Variants in NOL4 observed in about 807,000 individuals in gnomAD.
NOL4 encodes the protein nucleolar protein 4, also known as cancer/testis antigen 125.
A neutral mutation model predicts 75.9 loss-of-function variants in NOL4; 17 were observed. The ratio of observed to expected loss-of-function variants is 0.22; its 90% CI spans 0.15 to 0.34. NOL4 has a LOEUF of 0.34. Ranked by LOEUF, NOL4 falls within the 10% of genes least tolerant of loss-of-function variation. The pLI is 1.00. For missense variants in NOL4, 614 were observed against 793.5 expected (o/e 0.77, Z 2.72); for synonymous variants, 292 against 289.9 (o/e 1.01, Z -0.07).
chr18:34,134,446 TGACA>T (rs1303474581), intron 1 of NOL4, among the ~76,000 whole-genome samples: 4 of 98,812 alleles, frequency 4.0e-5, no homozygotes, highest in Non-Finnish European at 8.0e-5. Flanking sequence ...AGACTCCAAG[TGACA>T]CACACACACA....
intron 9 of NOL4, among the ~76,000 whole-genome samples, chr18:33,907,366 A>G (rs1246901176): frequency 1.3e-5 from 2 of 151,806 alleles, no homozygotes; most frequent in Admixed American, 1.3e-4. Context: ...AATAATAATA[A>G]ACATTAAAGA....
chr18:34,199,519 C>T (rs928108807), intron 1 of NOL4, among the ~76,000 whole-genome samples: 2 of 151,906 alleles, frequency 1.3e-5, no homozygotes, highest in African/African-American at 2.4e-5. Flanking sequence ...CCCAACTTAA[C>T]TCTGAATCCA....
chr18:34,184,570 G>A (rs945553032), intron 1 of NOL4, among the ~76,000 whole-genome samples: 1 of 152,034 alleles, frequency 6.6e-6, no homozygotes, highest in African/African-American at 2.4e-5. Flanking sequence ...TGAGTTCTGT[G>A]TTGATACTAG....
chr18:33,877,765 T>C (rs1011597713), intron 10 of NOL4, among the ~76,000 whole-genome samples: 3 of 152,020 alleles, frequency 2.0e-5, no homozygotes, highest in African/African-American at 7.2e-5. Flanking sequence ...CCAAATTTCC[T>C]ATGTGGCTTT....
At chr18:33,930,878 A>C (rs2067646096) in intron 9 of NOL4, among the ~76,000 whole-genome samples, 1 of 152,200 alleles carries the variant, frequency 6.6e-6, no homozygotes, top group Non-Finnish European at 1.5e-5. Context: ...TCCTTCAAGA[A>C]TAAAACTGGA....
chr18:34,081,802 A>C (rs1432928518), intron 5 of NOL4, among the ~76,000 whole-genome samples: 2 of 152,208 alleles, frequency 1.3e-5, no homozygotes, highest in African/African-American at 4.8e-5. Context: ...GAATGAAAGA[A>C]ACTGTCAAAA....
chr18:33,870,219 A>T (rs1468646281), intron 10 of NOL4, among the ~76,000 whole-genome samples: 1 of 152,046 alleles, frequency 6.6e-6, no homozygotes, highest in African/African-American at 2.4e-5. Flanking sequence ...GAAGGGCATT[A>T]TATGAAGTGA....
intron 1 of NOL4, among the ~76,000 whole-genome samples, chr18:34,175,137 C>T (rs532143435): frequency 6.6e-6 from 1 of 152,260 alleles, no homozygotes; most frequent in Admixed American, 6.5e-5. Context: ...CAATGGCCCA[C>T]ATTCCTATAC....
chr18:33,946,534 C>T (rs879425298), intron 8 of NOL4, among the ~76,000 whole-genome samples: 1 of 151,626 alleles, frequency 6.6e-6, no homozygotes, highest in Non-Finnish European at 1.5e-5. Context: ...GAGTTATAAT[C>T]CCTAGTGAAC....
At chr18:33,883,515 A>T in intron 9 of NOL4, 91 bp from the exon 10 acceptor site, 1 of 909,078 alleles carries the variant, frequency 1.1e-6, no homozygotes, top group South Asian at 2.8e-5. Flanking sequence ...AAATACCTGC[A>T]TTGAATAAGA....
intron 6 of NOL4, among the ~76,000 whole-genome samples, chr18:33,990,626 C>T (rs920233222): frequency 3.3e-5 from 5 of 152,022 alleles, no homozygotes; most frequent in Non-Finnish European, 5.9e-5. Context: ...TCTACAGTTA[C>T]GTGAAAATAA....
chr18:33,896,457 A>G (rs556207434), intron 9 of NOL4, among the ~76,000 whole-genome samples: 1 of 152,276 alleles, frequency 6.6e-6, no homozygotes, highest in East Asian at 1.9e-4. Context: ...AGCAAAATAG[A>G]GGGCCCCAAA....
At chr18:34,036,636 G>A (rs569094782) in intron 5 of NOL4, among the ~76,000 whole-genome samples, 21 of 152,196 alleles carry the variant, frequency 1.4e-4, no homozygotes, top group African/African-American at 4.8e-4. Flanking sequence ...ATAAATAAAT[G>A]GCATCAGCCC....
chr18:33,914,240 C>T (rs1036161665), intron 9 of NOL4, among the ~76,000 whole-genome samples: 30 of 151,948 alleles, frequency 2.0e-4, no homozygotes, highest in African/African-American at 5.6e-4. Flanking sequence ...GAGCAAGCCA[C>T]GTGAATGCTG....
intron 5 of NOL4, among the ~76,000 whole-genome samples, chr18:34,090,889 A>C (rs1301735663): frequency 1.3e-5 from 2 of 152,046 alleles, no homozygotes; most frequent in East Asian, 3.9e-4. Context: ...TGGTGCAGAG[A>C]AATAGGGTGA....
intron 9 of NOL4, among the ~76,000 whole-genome samples, chr18:33,906,753 A>G (rs749500317): frequency 6.6e-6 from 1 of 152,180 alleles, no homozygotes; most frequent in Non-Finnish European, 1.5e-5. Flanking sequence ...TAGATAAAGC[A>G]GGCTTAGATA....
At chr18:34,205,016 T>C (rs1422734611) in intron 1 of NOL4, among the ~76,000 whole-genome samples, 12 of 152,258 alleles carry the variant, frequency 7.9e-5, no homozygotes, top group Non-Finnish European at 1.5e-5. Flanking sequence ...TCCTAGTCCT[T>C]TCTCTAAACC....
chr18:34,171,770 G>A (rs2033064223), intron 1 of NOL4, among the ~76,000 whole-genome samples: 1 of 152,136 alleles, frequency 6.6e-6, no homozygotes, highest in Admixed American at 6.6e-5. Context: ...CAGAAACTTT[G>A]AGTCTGAGCC....
chr18:33,955,615 A>G (rs2069585141), intron 8 of NOL4, among the ~76,000 whole-genome samples: 1 of 152,086 alleles, frequency 6.6e-6, no homozygotes, highest in Non-Finnish European at 1.5e-5. Context: ...AAAAGTGAAC[A>G]TATTAAGGTT....
Sources: gnomAD v4.1 joint callset for allele counts (sites outside exome capture counted in the v4.1 genomes callset) on GRCh38, gnomAD v4.1.1 for gene constraint, MANE v1.5 for transcripts, NCBI Gene and HGNC (gene_info 2026-07-23, HGNC 2026-07-21) for gene names.